Variants in MCF2L observed in about 807,000 individuals in gnomAD.
MCF2L encodes the protein MCF.2 cell line derived transforming sequence like.
MCF2L carries 97 observed loss-of-function variants against 153.4 expected under a neutral mutation model. The ratio of observed to expected loss-of-function variants is 0.63; its 90% CI spans 0.54 to 0.75. The LOEUF is 0.75. MCF2L is among the 30% of genes least tolerant of loss of function. The pLI is 0.00. For synonymous variants in MCF2L, 659 were observed against 632.2 expected, an observed-to-expected ratio of 1.04 and a Z score of -0.64; for missense variants, 1,347 against 1,495.2, an observed-to-expected ratio of 0.90 and a Z score of 1.64.
Position 113,074,316 on chromosome 13 carries a change from C to T in MCF2L, c.997-128C>T. ...CTTTGCACCTGTCTGACTGTGGTCC[C>T]TGCTTGATTGATGACCACTTGGCCC... On this transcript the variant is annotated intron_variant, in intron 9 of 29. Transcript: ENST00000535094. This position sits in a 1 kb window ranked among gnomAD's most constrained non-coding sequence, Gnocchi z 4.2. 1 of 1,220,852 alleles carries T rather than the reference C, an allele frequency of 8.2e-7. No individual in the cohort carries two copies. Among genetic ancestry groups the T allele is most frequent in the Non-Finnish European group, 1.2e-6 (1 of 851,318 alleles). 75.6% of individuals were successfully genotyped at this position (1,220,852 alleles called of 1,614,324 possible).
chr13:113,078,628 G>A (rs372003280), intron 14 of MCF2L, 38 bp from the exon 15 acceptor site: 111 of 1,586,936 alleles, frequency 7.0e-5, no homozygotes, highest in Middle Eastern at 1.7e-4. Context: ...TTGAGGTTCC[G>A]TCCCGCCTTT....
chr13:112,933,327 C>T (rs2993338), intron 2 of MCF2L, among the ~76,000 whole-genome samples: 48,586 of 152,156 alleles, frequency 0.32, 7,875 homozygotes, highest in Middle Eastern at 0.42. Context: ...CCAGGAGCTC[C>T]GTGGAAGCTG....
chr13:113,008,311 T>C (rs1049718576), intron 1 of MCF2L, among the ~76,000 whole-genome samples: 3 of 152,196 alleles, frequency 2.0e-5, no homozygotes, highest in Non-Finnish European at 4.4e-5. Context: ...TATGATAAAG[T>C]CTTAACCCTT....
At position 113,038,953 on chromosome 13, in the gene MCF2L, G is replaced by A. The variant is rs900106775; in HGVS notation, c.279-6318G>A. Among the ~76,000 whole-genome samples the A allele has an allele frequency of 2.0e-5, 3 of 152,178 alleles. No homozygotes were observed. In the South Asian group the frequency reaches 6.2e-4, roughly 32 times the overall value. ...GCTCACTGCAAGCGCCGCCTCCCGG[G>A]TTCACGCCATTCTCCTGCCTTAGCC... is the stretch of plus-strand genomic sequence containing the variant. On this transcript the variant is annotated intron_variant, in intron 3 of 29. Transcript: ENST00000535094.
intron 26 of MCF2L, among the ~76,000 whole-genome samples, chr13:113,092,332 C>T (rs571923424): frequency 1.5e-4 from 23 of 152,296 alleles, no homozygotes; most frequent in African/African-American, 4.3e-4. Flanking sequence ...GTGTTGAAGC[C>T]GGGCCACTGC....
intron 3 of MCF2L, among the ~76,000 whole-genome samples, chr13:113,032,977 T>C (rs1243179638): frequency 5.7e-4 from 61 of 106,282 alleles, no homozygotes; most frequent in East Asian, 2.0e-3. Context: ...GAGTGGACCC[T>C]GTGATGTGAG....
chr13:112,987,785 G>A (rs1438227387), intron 1 of MCF2L, among the ~76,000 whole-genome samples: 1 of 152,238 alleles, frequency 6.6e-6, no homozygotes. Flanking sequence ...TCTGGCAGGG[G>A]TGTGGGAAGT....
At chr13:112,906,742 C>T (rs571596513) in intron 2 of MCF2L, among the ~76,000 whole-genome samples, 21 of 152,324 alleles carry the variant, frequency 1.4e-4, no homozygotes, top group African/African-American at 5.1e-4. Context: ...CAAGAGGGTT[C>T]GCCCACAACT....
At chr13:112,971,578 A>G (rs1281774872) in intron 1 of MCF2L, among the ~76,000 whole-genome samples, 1 of 152,194 alleles carries the variant, frequency 6.6e-6, no homozygotes, top group Non-Finnish European at 1.5e-5. Context: ...TGTCCAGGAC[A>G]TGCTGCTGTG....
chr13:112,947,815 C>G (rs1332011688), intron 2 of MCF2L, among the ~76,000 whole-genome samples: 1 of 152,194 alleles, frequency 6.6e-6, no homozygotes, highest in Non-Finnish European at 1.5e-5. Context: ...CGCAGCTACA[C>G]TAGGCATTGC....
chr13:113,048,324 T>C (rs2086961123), intron 4 of MCF2L, among the ~76,000 whole-genome samples: 2 of 152,188 alleles, frequency 1.3e-5, no homozygotes, highest in Non-Finnish European at 2.9e-5. Context: ...CTTCCTTTAA[T>C]TCTCAGAATT....
At chr13:113,090,313 C>T in intron 26 of MCF2L, 1 of 1,223,354 alleles carries the variant, frequency 8.2e-7, no homozygotes, top group Non-Finnish European at 1.0e-6. Flanking sequence ...GTGTCTCGCG[C>T]ACAGACACCA....
chr13:113,001,684 G>C, intron 1 of MCF2L: 1 of 1,347,566 alleles, frequency 7.4e-7, no homozygotes, highest in African/African-American at 1.5e-5. Flanking sequence ...GCCTGCAGCA[G>C]GATAAGTGAG....
In MCF2L at chr13:113,027,482, C is replaced by T. The variant is rs998248045; in HGVS notation, c.278+2724C>T. Among the ~76,000 whole-genome samples, 1 of 152,160 alleles carries T rather than the reference C, an allele frequency of 6.6e-6. No homozygotes were observed. Among genetic ancestry groups the T allele is most frequent in the African/African-American group, 2.4e-5 (1 of 41,434 alleles). On this transcript the variant is annotated intron_variant, in intron 3 of 29. Transcript: ENST00000535094. The surrounding 1 kb of genome is among the most constrained non-coding windows in gnomAD (Gnocchi z 4.8). ...ACTATGGTCAAAGCCCTGGACATGGCGGTGTCCTGGTAGCCCCAAATCACT... is the reference window on the plus strand; with the variant it reads ...ACTATGGTCAAAGCCCTGGACATGGTGGTGTCCTGGTAGCCCCAAATCACT...
intron 7 of MCF2L, 104 bp downstream of exon 7, chr13:113,065,189 G>A: frequency 7.0e-7 from 1 of 1,436,304 alleles, no homozygotes; most frequent in Non-Finnish European, 9.6e-7. Context: ...GTCCCAGCGG[G>A]AGTTTGTGTC....
At chr13:113,084,802 C>T (rs2034476444) in intron 18 of MCF2L, 90 bp from the exon 19 acceptor site, 4 of 943,408 alleles carry the variant, frequency 4.2e-6, no homozygotes. Flanking sequence ...CGGTGCCCGT[C>T]CCTCACCGCG....
At chr13:113,039,772 A>C (rs1480027109) in intron 3 of MCF2L, among the ~76,000 whole-genome samples, 1 of 152,242 alleles carries the variant, frequency 6.6e-6, no homozygotes, top group African/African-American at 2.4e-5. Flanking sequence ...AGAGTGGCTA[A>C]AATTCTACTG....
chr13:113,080,698 C>T (rs978265290), intron 15 of MCF2L, among the ~76,000 whole-genome samples: 6 of 152,296 alleles, frequency 3.9e-5, no homozygotes, highest in Non-Finnish European at 8.8e-5. Context: ...TGTGTGAGGG[C>T]GTGGGCAGGG....
chr13:112,920,276 A>G (rs917657901), intron 2 of MCF2L, among the ~76,000 whole-genome samples: 1 of 152,220 alleles, frequency 6.6e-6, no homozygotes, highest in African/African-American at 2.4e-5. Context: ...AACAGAAAAC[A>G]TAGAGTTTTT....
Sources: gnomAD v4.1 joint callset for allele counts (sites outside exome capture counted in the v4.1 genomes callset) on GRCh38, gnomAD v4.1.1 for gene constraint, Gnocchi (gnomAD v3.1) non-coding constraint, MANE v1.5 for transcripts, NCBI Gene and HGNC (gene_info 2026-07-23, HGNC 2026-07-21) for gene names.